AFG3L2: variants seen among roughly 807,000 people sequenced by gnomAD.
The protein encoded by AFG3L2 is AFG3 like matrix AAA peptidase subunit 2.
In AFG3L2, 54 loss-of-function variants were observed where a neutral mutation model predicts 94.5. The observed-to-expected ratio is 0.57, with a 90% CI of 0.46 to 0.72. AFG3L2 has a LOEUF of 0.72. Among genes scored for constraint, AFG3L2 ranks in the 30% least tolerant of loss-of-function variants. The pLI, the probability that AFG3L2 is intolerant of heterozygous loss-of-function variation, is 0.00. For missense variants in AFG3L2, 754 were observed against 994.9 expected (o/e 0.76, Z 3.26); for synonymous variants, 377 against 365.5 (o/e 1.03, Z -0.36).
Position 12,329,452 on chromosome 18 carries a change from C to T in AFG3L2, c.*113G>A. ...TCCTTTCCCCATCATTTCAGCTGGG[C>T]CAGTGGCTGGCTAAAATCAGCGCAG... On this transcript the variant is annotated 3_prime_UTR_variant, in exon 17 of 17. Transcript: ENST00000269143. 1.8e-6 allele frequency: 2 copies of T among 1,124,086 alleles called. No individual in the cohort carries two copies. Among genetic ancestry groups the T allele is most frequent in the Non-Finnish European group, 2.7e-6 (2 of 738,406 alleles). The allele number at this position is 1,124,086 out of a possible 1,614,324, so 69.6% of individuals were successfully genotyped here. A position where few individuals can be genotyped will look rare whatever the true frequency, so the allele number is the denominator to read the frequency against.
chr18:12,340,919 C>CT (rs11344408), intron 14 of AFG3L2: 5,964 of 143,564 alleles, frequency 0.042, 142 homozygotes, highest in Non-Finnish European at 0.046. Context: ...AATGGCTTTT[C>CT]TTTTTTTTTT....
chr18:12,368,970 A>G (rs1025469744), intron 3 of AFG3L2, among the ~76,000 whole-genome samples: 1 of 152,092 alleles, frequency 6.6e-6, no homozygotes, highest in Non-Finnish European at 1.5e-5. Flanking sequence ...GGGAGGCTAC[A>G]GGCACCCGGT....
chr18:12,351,438 A>G, intron 10 of AFG3L2, 25 bp from the exon 11 acceptor site: 6 of 1,603,582 alleles, frequency 3.7e-6, no homozygotes, highest in Non-Finnish European at 3.4e-6. Context: ...AAATGCAAAC[A>G]CTATTAAATG....
chr18:12,340,799 T>G (rs1907925781), intron 14 of AFG3L2: 1 of 224,994 alleles, frequency 4.4e-6, no homozygotes, highest in Admixed American at 5.2e-5. Context: ...TTCACCATGT[T>G]GGTCAGGCTG....
chr18:12,340,836 T>G, intron 14 of AFG3L2: 1 of 180,156 alleles, frequency 5.6e-6, no homozygotes, highest in South Asian at 1.2e-4. Context: ...CTCGTGATCC[T>G]CCTGCCTCAG....
rs150698302 is a variant in AFG3L2 at position 12,335,092 on chromosome 18, C to G, written c.2175+2249G>C. ...GAAACCATTTATCTCCCCAGGTGGC[C>G]TCCCTCACTCATTGCTCACAAGGAG... On this transcript the variant is annotated intron_variant, in intron 16 of 16. Coordinates refer to ENST00000269143, the MANE Select transcript of AFG3L2 (RefSeq NM_006796.3). 4.8e-3 allele frequency among the ~76,000 whole-genome samples: 738 copies of G among 152,174 alleles called. 9 individuals are homozygous for G. The highest frequency in any genetic ancestry group is 0.016 in the African/African-American group (683 of 41,496).
At chr18:12,333,075 A>AT (rs1478794298) in intron 16 of AFG3L2, among the ~76,000 whole-genome samples, 7 of 5,726 alleles carry the variant, frequency 1.2e-3, no homozygotes, top group South Asian at 0.028. Context: ...CTATTATATA[A>AT]CTATTATATA....
chr18:12,356,153 A>T (rs1410737409), intron 9 of AFG3L2, among the ~76,000 whole-genome samples: 103 of 141,452 alleles, frequency 7.3e-4, no homozygotes, highest in African/African-American at 2.4e-3. Context: ...ATAAAGCAAA[A>T]TTTTTTTTTT....
chr18:12,356,880 T>C (rs761711245), intron 8 of AFG3L2, 49 bp from the exon 9 acceptor site: 1 of 1,570,248 alleles, frequency 6.4e-7, no homozygotes, highest in Middle Eastern at 2.0e-4. Context: ...TCCAGAAAAG[T>C]AAATTGTGTA....
intron 3 of AFG3L2, among the ~76,000 whole-genome samples, chr18:12,367,780 G>T: frequency 6.6e-6 from 1 of 152,158 alleles, no homozygotes. Flanking sequence ...GGCCACGCAC[G>T]GTGGCTCATG....
At position 12,359,990 on chromosome 18, in the gene AFG3L2, T is replaced by C; in HGVS notation, c.689A>G (p.Gln230Arg). The C allele has an allele frequency of 6.2e-7, 1 of 1,614,146 alleles. No individual in the cohort carries two copies. The highest frequency in any genetic ancestry group is 8.5e-7 in the Non-Finnish European group (1 of 1,180,018). The change falls in exon 7 of 17, where the codon CAG becomes CGG. Residue 230 changes from glutamine (Q) to arginine (R), a missense_variant. Gln to Arg is a conservative substitution (Grantham distance 43). Transcript: ENST00000269143. Reference sequence around the variant, plus strand: ...TTCTCCTTCTATGCCCAATTCCTGCTGTAAAGTTTCCAGATTCCGTTCAAA... The same window carrying C: ...TTCTCCTTCTATGCCCAATTCCTGCCGTAAAGTTTCCAGATTCCGTTCAAA... ...DTFERNLETL[Q>R]QELGIEGENR... is the part of the protein sequence containing the mutation.
Position 12,329,634 on chromosome 18 carries a change from G to A in AFG3L2, c.2325C>T (p.Gly775=), listed in dbSNP as rs752423559. The A allele has an allele frequency of 9.3e-6, 15 of 1,613,982 alleles. No homozygotes were observed. The highest frequency in any genetic ancestry group is 1.7e-5 in the Admixed American group (1 of 59,986). ...CCCGCTCCTTGTTCCAGTCCTTAAG[G>A]CCTTCTGGAAGTGAGGTGTCCTCAT... The part of the protein sequence containing the change: ...SLDEDTSLPE[G]LKDWNKEREK... The change falls in exon 17 of 17, where the codon GGC becomes GGT. Residue 775 remains glycine (G), a synonymous_variant. Transcript: ENST00000269143.
At chr18:12,354,122 G>GC (rs1908409576) in intron 9 of AFG3L2, among the ~76,000 whole-genome samples, 7 of 123,446 alleles carry the variant, frequency 5.7e-5, no homozygotes, top group African/African-American at 2.0e-4. Context: ...CTCTCCACCT[G>GC]CCCACTCCCA....
chr18:12,373,556 T>C lies in AFG3L2; in HGVS notation c.115-1865A>G, dbSNP rs987632714. ...TCTTTATATTGCCACGTCTTAGTCTTAGTCCTTTCTGTTCCGCTATAACAG... is the reference window on the plus strand; with the variant it reads ...TCTTTATATTGCCACGTCTTAGTCTCAGTCCTTTCTGTTCCGCTATAACAG... On this transcript the variant is annotated intron_variant, in intron 1 of 16. Coordinates refer to ENST00000269143, the MANE Select transcript of AFG3L2 (RefSeq NM_006796.3). Among the ~76,000 whole-genome samples the C allele has an allele frequency of 1.4e-4, 21 of 152,314 alleles. 1 individual carries two copies. The highest frequency in any genetic ancestry group is 1.2e-3 in the Admixed American group (19 of 15,294).
chr18:12,336,562 A>G (rs1384119071), intron 16 of AFG3L2, among the ~76,000 whole-genome samples: 1 of 152,226 alleles, frequency 6.6e-6, no homozygotes, highest in Admixed American at 6.5e-5. Context: ...CCATTCAGCC[A>G]GCTCTGCATG....
At position 12,356,778 on chromosome 18, in the gene AFG3L2, G is replaced by T; in HGVS notation, c.1080C>A (p.Ala360=). The T allele has an allele frequency of 6.2e-7, 1 of 1,614,232 alleles. No homozygotes were observed. The change falls in exon 9 of 17, where the codon GCC becomes GCA. Residue 360 remains alanine (A), a synonymous_variant. Transcript: ENST00000269143. ...AGGGGACATTGGCTTCTCCGGCTGT[G>T]GCCTTAGCTAGCAGCGTCTTCCCAG... The part of the protein sequence containing the change: ...PGTGKTLLAK[A]TAGEANVPFI...
intron 16 of AFG3L2, among the ~76,000 whole-genome samples, chr18:12,333,966 C>T (rs910656747): frequency 1.3e-5 from 2 of 152,194 alleles, no homozygotes; most frequent in African/African-American, 4.8e-5. Flanking sequence ...AGCTTCTTCA[C>T]CTGAAACTGA....
At position 12,351,101 on chromosome 18, in the gene AFG3L2, T is replaced by G. The variant is rs768121027; in HGVS notation, c.1536A>C (p.Leu512Phe). 14 of 1,613,012 alleles carry G rather than the reference T, an allele frequency of 8.7e-6. No homozygotes were observed. The highest frequency in any genetic ancestry group is 1.2e-5 in the Non-Finnish European group (14 of 1,180,036). ...KDKLARKLAS[L>F]TPGFSGADVA... ...TCCACTCACCTGAAAACCCTGGAGT[T>G]AAAGATGCCAGTTTTCTTGCCAATT... The change falls in exon 12 of 17, where the codon TTA becomes TTC. Residue 512 changes from leucine (L) to phenylalanine (F), a missense_variant. By Grantham distance (22) the Leu-to-Phe change is conservative (BLOSUM62 0). Coordinates refer to ENST00000269143, the MANE Select transcript of AFG3L2 (RefSeq NM_006796.3).
chr18:12,356,972 G>A (rs1908516505), intron 8 of AFG3L2, 141 bp from the exon 9 acceptor site: 1 of 844,970 alleles, frequency 1.2e-6, no homozygotes, highest in Non-Finnish European at 1.8e-6. Context: ...CTGAGCTATG[G>A]TAGAACATTT....
Sources: gnomAD v4.1 joint callset for allele counts (sites outside exome capture counted in the v4.1 genomes callset) on GRCh38, gnomAD v4.1.1 for gene constraint, MANE v1.5 for transcripts, NCBI Gene and HGNC (gene_info 2026-07-23, HGNC 2026-07-21) for gene names.